ST6GALNAC3: variants seen among roughly 807,000 people sequenced by gnomAD.
ST6GALNAC3 encodes ST6 N-acetylgalactosaminide alpha-2,6-sialyltransferase 3.
ST6GALNAC3 carries 25 observed loss-of-function variants against 32.7 expected under a neutral mutation model. That is an observed-to-expected ratio of 0.76 (90% CI 0.56 to 1.07). ST6GALNAC3 has a LOEUF of 1.07. Ranked by LOEUF, ST6GALNAC3 falls within the 50% of genes least tolerant of loss-of-function variation. The probability of loss-of-function intolerance (pLI) is 0.00; values close to 1 mark genes in which losing one functional copy is unlikely to be tolerated. For missense variants in ST6GALNAC3, 355 were observed against 382.4 expected, an observed-to-expected ratio of 0.93 and a Z score of 0.60; for synonymous variants, 129 against 133.1, an observed-to-expected ratio of 0.97 and a Z score of 0.21.
chr1:76,095,925 T>C (rs1321878860), intron 1 of ST6GALNAC3, among the ~76,000 whole-genome samples: 1 of 152,166 alleles, frequency 6.6e-6, no homozygotes, highest in East Asian at 1.9e-4. Flanking sequence ...TTTAACATTC[T>C]GACATAATGG....
chr1:76,276,311 G>A (rs1489307209), intron 1 of ST6GALNAC3, among the ~76,000 whole-genome samples: 1 of 151,902 alleles, frequency 6.6e-6, no homozygotes, highest in Non-Finnish European at 1.5e-5. Context: ...GTTTCTTTGT[G>A]TTTATCAATA....
Position 76,557,413 on chromosome 1 carries a change from G to A in ST6GALNAC3, c.624-70039G>A, listed in dbSNP as rs190719210. 1.2e-3 allele frequency among the ~76,000 whole-genome samples: 190 copies of A among 152,112 alleles called. 2 individuals are homozygous for A. The highest frequency in any genetic ancestry group is 4.2e-3 in the African/African-American group (175 of 41,500). On this transcript the variant is annotated intron_variant, in intron 3 of 4. Coordinates refer to ENST00000328299, the MANE Select transcript of ST6GALNAC3 (RefSeq NM_152996.4). ...GATTAACTCATCAATGGGAAATTGG[G>A]ATGCGGGCTTCTCCAAACTCTCCAG...
intron 2 of ST6GALNAC3, 116 bp from the exon 3 acceptor site, chr1:76,411,892 C>T (rs868155945): frequency 8.7e-7 from 1 of 1,146,924 alleles, no homozygotes; most frequent in Middle Eastern, 2.7e-4. Flanking sequence ...GTAGGTACTT[C>T]AGAGATATTT....
At chr1:76,577,124 T>G in intron 3 of ST6GALNAC3, 1 of 1,068,846 alleles carries the variant, frequency 9.4e-7, no homozygotes, top group Non-Finnish European at 1.1e-6. Flanking sequence ...GTATGTGGTA[T>G]GTAAATATTT....
intron 2 of ST6GALNAC3, among the ~76,000 whole-genome samples, chr1:76,381,377 T>C (rs1415829613): frequency 1.3e-5 from 2 of 152,084 alleles, no homozygotes; most frequent in East Asian, 3.9e-4. Context: ...CCTCGGAATA[T>C]GACACTTAAA....
intron 1 of ST6GALNAC3, among the ~76,000 whole-genome samples, chr1:76,246,994 G>A (rs1157806837): frequency 1.3e-5 from 2 of 152,162 alleles, no homozygotes; most frequent in African/African-American, 2.4e-5. Flanking sequence ...TTTTGTGTGG[G>A]GGTCTTTTTT....
At chr1:76,371,908 C>A (rs1650854370) in intron 2 of ST6GALNAC3, among the ~76,000 whole-genome samples, 1 of 152,138 alleles carries the variant, frequency 6.6e-6, no homozygotes, top group Non-Finnish European at 1.5e-5. Flanking sequence ...GTAAGCATCT[C>A]ACTTCCCCTA....
At chr1:76,111,303 C>A (rs1048691506) in intron 1 of ST6GALNAC3, among the ~76,000 whole-genome samples, 1 of 151,958 alleles carries the variant, frequency 6.6e-6, no homozygotes, top group Non-Finnish European at 1.5e-5. Context: ...AAACATAGCC[C>A]CACCCAGAAA....
intron 2 of ST6GALNAC3, among the ~76,000 whole-genome samples, chr1:76,354,528 AATTCTTAAATGCT>A (rs1376103592): frequency 6.6e-6 from 1 of 152,178 alleles, no homozygotes; most frequent in Non-Finnish European, 1.5e-5. Context: ...ATGAATGTGA[AATTCTTAAATGCT>A]GAAGGTTTGC....
At chr1:76,574,357 T>C (rs919745380) in intron 3 of ST6GALNAC3, among the ~76,000 whole-genome samples, 1 of 152,200 alleles carries the variant, frequency 6.6e-6, no homozygotes, top group East Asian at 1.9e-4. Flanking sequence ...TTATCACCAC[T>C]TAAGTAGAAT....
At chr1:76,230,510 A>AT (rs1467460730) in intron 1 of ST6GALNAC3, among the ~76,000 whole-genome samples, 1 of 152,154 alleles carries the variant, frequency 6.6e-6, no homozygotes, top group Non-Finnish European at 1.5e-5. Flanking sequence ...GAGTCCAAGT[A>AT]TTTTTTCAAA....
At chr1:76,226,509 A>T (rs1324524778) in intron 1 of ST6GALNAC3, among the ~76,000 whole-genome samples, 1 of 152,238 alleles carries the variant, frequency 6.6e-6, no homozygotes, top group East Asian at 1.9e-4. Context: ...TTGCATTGCT[A>T]TCAAGAAATG....
At chr1:76,283,002 G>T (rs986553354) in intron 1 of ST6GALNAC3, among the ~76,000 whole-genome samples, 1 of 152,128 alleles carries the variant, frequency 6.6e-6, no homozygotes, top group Non-Finnish European at 1.5e-5. Flanking sequence ...TCAAGATCAC[G>T]CCACTGCACT....
chr1:76,440,449 A>ATGCT (rs1280095254), intron 3 of ST6GALNAC3, among the ~76,000 whole-genome samples: 2 of 152,268 alleles, frequency 1.3e-5, no homozygotes, highest in Non-Finnish European at 2.9e-5. Flanking sequence ...GAATGGGGAC[A>ATGCT]TGCTGTCCAT....
chr1:76,308,216 C>T (rs1661182561), intron 1 of ST6GALNAC3, among the ~76,000 whole-genome samples: 1 of 152,134 alleles, frequency 6.6e-6, no homozygotes, highest in African/African-American at 2.4e-5. Context: ...TTCATATGGT[C>T]TGACCAGTGC....
At chr1:76,112,831 A>G (rs1315480566) in intron 1 of ST6GALNAC3, among the ~76,000 whole-genome samples, 1 of 151,430 alleles carries the variant, frequency 6.6e-6, no homozygotes. Flanking sequence ...GTGGCGGGGC[A>G]GAGACGCTCC....
intron 1 of ST6GALNAC3, among the ~76,000 whole-genome samples, chr1:76,304,436 A>C (rs1557769402): frequency 6.6e-6 from 1 of 151,678 alleles, no homozygotes. Context: ...AGGAGGAACA[A>C]ATGCTTTATG....
chr1:76,515,323 A>AT (rs2101770046), intron 3 of ST6GALNAC3, among the ~76,000 whole-genome samples: 1 of 151,892 alleles, frequency 6.6e-6, no homozygotes, highest in South Asian at 2.1e-4. Flanking sequence ...ATCTTATCAT[A>AT]TTTTTTCATA....
intron 1 of ST6GALNAC3, among the ~76,000 whole-genome samples, chr1:76,269,577 C>T (rs905232088): frequency 1.3e-5 from 2 of 152,140 alleles, no homozygotes; most frequent in African/African-American, 4.8e-5. Context: ...ATTTGGGTGC[C>T]ATATTCAGTT....
Sources: allele counts gnomAD v4.1 joint callset (sites outside exome capture counted in the v4.1 genomes callset), GRCh38; gene constraint gnomAD v4.1.1; transcripts MANE v1.5; gene names NCBI Gene and HGNC (gene_info 2026-07-23, HGNC 2026-07-21).